The following GPR39 variants were observed in gnomAD, a reference collection of about 807,000 sequenced individuals.
GPR39 encodes the protein G protein-coupled receptor 39.
GPR39 carries 23 observed loss-of-function variants against 18.4 expected under a neutral mutation model. The ratio of observed to expected loss-of-function variants is 1.25; its 90% confidence interval spans 0.90 to 1.77. The LOEUF (loss-of-function observed/expected upper bound fraction) is 1.77. GPR39 is among the 40% of genes most tolerant of loss of function. The pLI, the probability that GPR39 is intolerant of heterozygous loss-of-function variation, is 0.00. For missense variants in GPR39, 647 were observed against 602.4 expected (o/e 1.07, Z -0.78); for synonymous variants, 280 against 257.9 (o/e 1.09, Z -0.82).
At chr2:132,489,932 T>TGGGAG (rs1558813394) in intron 1 of GPR39, among the ~76,000 whole-genome samples, 7 of 151,842 alleles carry the variant, frequency 4.6e-5, no homozygotes, top group African/African-American at 1.7e-4. Context: ...CCCAGGAGCT[T>TGGGAG]GCAGGCAGAG....
Position 132,417,403 on chromosome 2 carries a change from G to A in GPR39, c.361G>A (p.Ala121Thr). ...TTTCCTCTTCGAGGCCTGCAGCTACGCTACGCTGCTGCACGTGCTGACACT... is the reference window on the plus strand; with the variant it reads ...TTTCCTCTTCGAGGCCTGCAGCTACACTACGCTGCTGCACGTGCTGACACT... ...HTFLFEACSY[A>T]TLLHVLTLSF... Residue 121 changes from alanine (A) to threonine (T), a missense_variant, in exon 1 of 2, where the codon GCT (alanine) becomes ACT (threonine). Ala to Thr is a moderately conservative substitution (Grantham distance 58, BLOSUM62 0). Transcript: ENST00000329321. The A allele has an allele frequency of 6.2e-7, 1 of 1,614,162 alleles. No homozygotes were observed. The highest frequency in any genetic ancestry group is 8.5e-7 in the Non-Finnish European group (1 of 1,180,032).
At chr2:132,633,919 G>T (rs1208140759) in intron 1 of GPR39, among the ~76,000 whole-genome samples, 2 of 146,522 alleles carry the variant, frequency 1.4e-5, no homozygotes, top group African/African-American at 5.5e-5. Flanking sequence ...TGGTGGTGGT[G>T]TGGTAGCAGT....
At chr2:132,433,156 C>G (rs557765630) in intron 1 of GPR39, among the ~76,000 whole-genome samples, 11 of 152,110 alleles carry the variant, frequency 7.2e-5, no homozygotes, top group Non-Finnish European at 1.6e-4. Flanking sequence ...TATTTACTAT[C>G]ATAAAATATA....
intron 1 of GPR39, among the ~76,000 whole-genome samples, chr2:132,436,530 A>C (rs758700561): frequency 5.9e-5 from 9 of 152,210 alleles, no homozygotes; most frequent in Non-Finnish European, 1.2e-4. Context: ...TTTAATAATA[A>C]TAATGAGAAC....
intron 1 of GPR39, among the ~76,000 whole-genome samples, chr2:132,491,067 C>CT (rs1023920979): frequency 2.0e-5 from 3 of 152,066 alleles, no homozygotes; most frequent in Non-Finnish European, 4.4e-5. Flanking sequence ...AAATTAATCT[C>CT]TTTTTTTTCT....
chr2:132,615,325 C>G (rs534710690), intron 1 of GPR39, among the ~76,000 whole-genome samples: 1 of 152,308 alleles, frequency 6.6e-6, no homozygotes, highest in South Asian at 2.1e-4. Flanking sequence ...CAGGCAATTG[C>G]CTCCTTCCTT....
At chr2:132,547,562 C>T (rs999053152) in intron 1 of GPR39, among the ~76,000 whole-genome samples, 1 of 152,160 alleles carries the variant, frequency 6.6e-6, no homozygotes, top group Non-Finnish European at 1.5e-5. Flanking sequence ...AGAATTTCTG[C>T]AGCCTGACTG....
At chr2:132,528,480 G>A (rs1349099918) in intron 1 of GPR39, among the ~76,000 whole-genome samples, 1 of 152,194 alleles carries the variant, frequency 6.6e-6, no homozygotes, top group African/African-American at 2.4e-5. Flanking sequence ...GTCAATGGTA[G>A]TTTGATGGGA....
At chr2:132,526,372 A>C (rs2104771272) in intron 1 of GPR39, among the ~76,000 whole-genome samples, 1 of 152,248 alleles carries the variant, frequency 6.6e-6, no homozygotes, top group African/African-American at 2.4e-5. Flanking sequence ...CCTCCCACTA[A>C]GTTTTTCTTC....
intron 1 of GPR39, among the ~76,000 whole-genome samples, chr2:132,626,152 C>T (rs1411479231): frequency 6.6e-6 from 1 of 151,964 alleles, no homozygotes; most frequent in Non-Finnish European, 1.5e-5. Flanking sequence ...TAAATGACAT[C>T]CCCCAAGGTG....
intron 1 of GPR39, among the ~76,000 whole-genome samples, chr2:132,538,518 G>A (rs1024388455): frequency 6.6e-6 from 1 of 152,244 alleles, no homozygotes; most frequent in African/African-American, 2.4e-5. Context: ...CAGTCAGGAG[G>A]CATGGGGTCA....
At chr2:132,626,334 C>T (rs935079633) in intron 1 of GPR39, among the ~76,000 whole-genome samples, 2 of 152,032 alleles carry the variant, frequency 1.3e-5, no homozygotes. Flanking sequence ...GAGGGCAGGC[C>T]CTGGCCTGGA....
At chr2:132,610,807 A>C (rs1297959821) in intron 1 of GPR39, among the ~76,000 whole-genome samples, 1 of 151,464 alleles carries the variant, frequency 6.6e-6, no homozygotes, top group Non-Finnish European at 1.5e-5. Flanking sequence ...AAGAAGAAGA[A>C]ATCTAGGATC....
chr2:132,630,646 G>A (rs2104868998), intron 1 of GPR39, among the ~76,000 whole-genome samples: 1 of 152,300 alleles, frequency 6.6e-6, no homozygotes, highest in African/African-American at 2.4e-5. Flanking sequence ...AGGAGTGACA[G>A]GGAGACTTCT....
chr2:132,556,479 C>A (rs1276850207), intron 1 of GPR39, among the ~76,000 whole-genome samples: 1 of 152,088 alleles, frequency 6.6e-6, no homozygotes, highest in East Asian at 1.9e-4. Context: ...AAGTTCTTTC[C>A]CTGCACATAT....
chr2:132,432,920 A>C (rs1050289455), intron 1 of GPR39, among the ~76,000 whole-genome samples: 1 of 152,212 alleles, frequency 6.6e-6, no homozygotes, highest in African/African-American at 2.4e-5. Flanking sequence ...AGTGCCTAGC[A>C]TATGGTAGGT....
chr2:132,561,368 C>T lies in GPR39; in HGVS notation c.857-83733C>T, dbSNP rs150485577. Among the ~76,000 whole-genome samples the T allele has an allele frequency of 2.0e-3, 306 of 152,296 alleles. 2 individuals are homozygous for T. The highest frequency in any genetic ancestry group is 6.8e-3 in the African/African-American group (283 of 41,556). On this transcript the variant is annotated intron_variant, in intron 1 of 1. Transcript: ENST00000329321. ...TCACTTGACTCCTCTCCCAGCCTCACCTGCCATCAGCCATGGTCCTGGCTC... is the reference window on the plus strand; with the variant it reads ...TCACTTGACTCCTCTCCCAGCCTCATCTGCCATCAGCCATGGTCCTGGCTC...
At chr2:132,603,362 C>T (rs1558855420) in intron 1 of GPR39, among the ~76,000 whole-genome samples, 1 of 152,000 alleles carries the variant, frequency 6.6e-6, no homozygotes, top group Non-Finnish European at 1.5e-5. Context: ...TTGTGGTGAT[C>T]AAGAGTCTGA....
chr2:132,583,970 C>T lies in GPR39; in HGVS notation c.857-61131C>T, dbSNP rs3115006. 9.9e-3 allele frequency among the ~76,000 whole-genome samples: 1,510 copies of T among 152,016 alleles called. 32 individuals are homozygous for T. Among genetic ancestry groups the T allele is most frequent in the African/African-American group, 0.035 (1,452 of 41,460 alleles). On this transcript the variant is annotated intron_variant, in intron 1 of 1. Transcript: ENST00000329321. ...ACAGGTAGCTTCTGCTGCTTTCTAA[C>T]GACTTCAGAGGAGCCCTTGAGAGAA...
Sources: allele counts gnomAD v4.1 joint callset (sites outside exome capture counted in the v4.1 genomes callset), GRCh38; gene constraint gnomAD v4.1.1; transcripts MANE v1.5; gene names NCBI Gene and HGNC (gene_info 2026-07-23, HGNC 2026-07-21).